The following BRDT variants were observed in gnomAD, a reference collection of about 807,000 sequenced individuals.
BRDT encodes the protein bromodomain testis-specific protein.
BRDT carries 77 observed loss-of-function variants against 113.9 expected under a neutral mutation model. That is an observed-to-expected ratio of 0.68 (90% CI 0.56 to 0.82). The LOEUF is 0.82. Ranked by LOEUF, BRDT falls within the 40% of genes least tolerant of loss-of-function variation. The pLI is 0.00. For synonymous variants in BRDT, 358 were observed against 366.5 expected, an observed-to-expected ratio of 0.98 and a Z score of 0.26; for missense variants, 1,027 against 1,105.4, an observed-to-expected ratio of 0.93 and a Z score of 1.01.
In BRDT at chr1:91,979,674, A is replaced by G; in HGVS notation, c.1204A>G (p.Thr402Ala). 6.2e-7 allele frequency: 1 copy of G among 1,614,156 alleles called. No homozygotes were observed. The highest frequency in any genetic ancestry group is 8.5e-7 in the Non-Finnish European group (1 of 1,180,004). Residue 402 changes from threonine (T) to alanine (A), a missense_variant, in exon 8 of 19, where the codon ACT becomes GCT. Transcript: ENST00000399546. ...CACAGAAACCACTGGTAGAGAGAAC[A>G]CTAATGAAGCCTCCTCTGAAGGGAA... Reference protein sequence around the residue: ...DITETTGRENTNEASSEGNSS... With the variant: ...DITETTGRENANEASSEGNSS...
intron 8 of BRDT, among the ~76,000 whole-genome samples, chr1:91,980,328 CCCACCT>C (rs1684595597): frequency 6.8e-5 from 5 of 73,328 alleles, no homozygotes; most frequent in Admixed American, 4.5e-4. Context: ...CCACCGCACT[CCCACCT>C]GGGTGACAGA....
chr1:91,977,925 A>G (rs1384517256), intron 6 of BRDT, among the ~76,000 whole-genome samples: 1 of 152,080 alleles, frequency 6.6e-6, no homozygotes, highest in Non-Finnish European at 1.5e-5. Flanking sequence ...ATTTTGTTCC[A>G]GTTCTCTTTA....
At chr1:91,964,884 T>C (rs1682893248) in intron 3 of BRDT, 120 bp downstream of exon 3, 2 of 474,414 alleles carry the variant, frequency 4.2e-6, no homozygotes, top group Non-Finnish European at 6.6e-6. Flanking sequence ...TTGACGTGTG[T>C]GTGTGTGTGT....
intron 18 of BRDT, among the ~76,000 whole-genome samples, chr1:92,013,493 AT>A (rs1312349836): frequency 1.3e-5 from 2 of 152,188 alleles, no homozygotes; most frequent in African/African-American, 4.8e-5. Context: ...TTTTTTAAAA[AT>A]AATTTTGTGA....
intron 4 of BRDT, among the ~76,000 whole-genome samples, chr1:91,969,485 T>C (rs1204348865): frequency 6.6e-6 from 1 of 152,116 alleles, no homozygotes; most frequent in African/African-American, 2.4e-5. Flanking sequence ...CTTATTCTTA[T>C]TTTAGAAAAG....
At chr1:91,953,270 G>C (rs901301210) in intron 1 of BRDT, among the ~76,000 whole-genome samples, 7 of 152,142 alleles carry the variant, frequency 4.6e-5, no homozygotes, top group Non-Finnish European at 1.0e-4. Flanking sequence ...GGTTACTTTT[G>C]ACCTCCAGAA....
chr1:91,981,004 C>T lies in BRDT; in HGVS notation c.1576C>T (p.Pro526Ser), dbSNP rs1482718432. The T allele has an allele frequency of 5.0e-6, 8 of 1,613,856 alleles. No homozygotes were observed. Among genetic ancestry groups the T allele is most frequent in the Middle Eastern group, 1.6e-4 (1 of 6,082 alleles). The change falls in exon 10 of 19, where the codon CCT (proline) becomes TCT (serine). Residue 526 changes from proline (P) to serine (S), a missense_variant. Physicochemically the swap from Pro to Ser is moderately conservative, Grantham distance 74 (BLOSUM62 -1). Coordinates refer to ENST00000399546, the MANE Select transcript of BRDT (RefSeq NM_207189.4). The part of the protein sequence containing the change: ...RQLSLNINKL[P>S]GDKLGRVVHI... ...GTTAAGTCTGAATATAAACAAACTC[C>T]CTGGAGATAAACTTGGGCGAGTAGT...
chr1:92,003,671 A>G (rs1296435373), intron 16 of BRDT, among the ~76,000 whole-genome samples: 5 of 152,218 alleles, frequency 3.3e-5, no homozygotes, highest in Admixed American at 3.3e-4. Flanking sequence ...ATTATAGATC[A>G]ATTGTTTCTA....
At chr1:92,010,267 AT>A (rs373305680) in intron 18 of BRDT, among the ~76,000 whole-genome samples, 115 of 101,042 alleles carry the variant, frequency 1.1e-3, no homozygotes, top group East Asian at 6.5e-3. Flanking sequence ...TGCTCTTTTA[AT>A]TTTTTTTTTT....
chr1:91,987,139 T>TG (rs1289635394), intron 12 of BRDT, among the ~76,000 whole-genome samples: 1 of 151,492 alleles, frequency 6.6e-6, no homozygotes, highest in Non-Finnish European at 1.5e-5. Context: ...AGGCTGGTCT[T>TG]GAACTCCTGG....
At chr1:91,973,214 G>A (rs1683793499) in intron 4 of BRDT, among the ~76,000 whole-genome samples, 2 of 152,208 alleles carry the variant, frequency 1.3e-5, no homozygotes, top group Admixed American at 1.3e-4. Flanking sequence ...GTGAGGTAGT[G>A]TGATGCCTCC....
At chr1:91,982,235 T>C (rs1026675625) in intron 12 of BRDT, among the ~76,000 whole-genome samples, 6 of 151,768 alleles carry the variant, frequency 4.0e-5, no homozygotes, top group Non-Finnish European at 8.8e-5. Flanking sequence ...GTGAATCAGA[T>C]TTTTTTTTCT....
At chr1:91,998,788 A>G (rs1686582602) in intron 15 of BRDT, among the ~76,000 whole-genome samples, 1 of 152,230 alleles carries the variant, frequency 6.6e-6, no homozygotes, top group Non-Finnish European at 1.5e-5. Flanking sequence ...AGGCTTACCT[A>G]TGTTTATTTA....
chr1:91,959,221 T>C (rs1682145943), intron 1 of BRDT, among the ~76,000 whole-genome samples: 1 of 152,126 alleles, frequency 6.6e-6, no homozygotes. Context: ...ATACTATATG[T>C]AAAGTTCAAA....
intron 2 of BRDT, 121 bp from the exon 3 acceptor site, chr1:91,964,506 T>A (rs1682849306): frequency 1.2e-5 from 8 of 642,322 alleles, no homozygotes. Context: ...GAATATGGCT[T>A]TTTAAAGATA....
At chr1:91,979,420 A>C in intron 7 of BRDT, 149 bp from the exon 8 acceptor site, 1 of 763,954 alleles carries the variant, frequency 1.3e-6, no homozygotes, top group Non-Finnish European at 2.1e-6. Flanking sequence ...GGCCAGCATG[A>C]GTCTTAATAC....
At chr1:91,996,746 G>A (rs998027747) in intron 15 of BRDT, among the ~76,000 whole-genome samples, 9 of 152,182 alleles carry the variant, frequency 5.9e-5, no homozygotes, top group African/African-American at 2.2e-4. Context: ...GATATACTTC[G>A]TTAGGATGAA....
chr1:91,999,562 C>A lies in BRDT; in HGVS notation c.2288-2487C>A, dbSNP rs368185330. 6.6e-5 allele frequency among the ~76,000 whole-genome samples: 10 copies of A among 152,206 alleles called. No individual in the cohort carries two copies. The East Asian group carries it at 1.7e-3, about 27-fold the overall frequency. On this transcript the variant is annotated intron_variant, in intron 15 of 18. Coordinates refer to ENST00000399546, the MANE Select transcript of BRDT (RefSeq NM_207189.4). ...TTCATCTACCCCAGAATTTCCCAAC[C>A]ATGTTTCAAAGCACAGTCTTACTGA...
At chr1:91,955,184 G>C (rs180983775) in intron 1 of BRDT, among the ~76,000 whole-genome samples, 1 of 152,194 alleles carries the variant, frequency 6.6e-6, no homozygotes, top group Non-Finnish European at 1.5e-5. Flanking sequence ...GTCTGGGTGC[G>C]GTGGCTCAAT....
Sources: gnomAD v4.1 joint callset for allele counts (sites outside exome capture counted in the v4.1 genomes callset) on GRCh38, gnomAD v4.1.1 for gene constraint, MANE v1.5 for transcripts, NCBI Gene and HGNC (gene_info 2026-07-23, HGNC 2026-07-21) for gene names.